TIAL1: variants seen among roughly 807,000 people sequenced by gnomAD.
The protein encoded by TIAL1 is TIA1 cytotoxic granule associated RNA binding protein like 1.
In TIAL1, 7 loss-of-function variants were observed where a neutral mutation model predicts 59.7. The ratio of observed to expected loss-of-function variants is 0.12; its 90% CI spans 0.07 to 0.22. The LOEUF (loss-of-function observed/expected upper bound fraction) is 0.22, where lower values mean the gene tolerates loss of function less well. Among genes scored for constraint, TIAL1 ranks in the 10% least tolerant of loss-of-function variants. The pLI is 1.00. For missense variants in TIAL1, 225 were observed against 462.5 expected, an observed-to-expected ratio of 0.49 and a Z score of 4.71; for synonymous variants, 149 against 146.3, an observed-to-expected ratio of 1.02 and a Z score of -0.13.
chr10:119,589,354 C>A (rs910805284), intron 1 of TIAL1, among the ~76,000 whole-genome samples: 2 of 152,126 alleles, frequency 1.3e-5, no homozygotes, highest in African/African-American at 4.8e-5. Context: ...TACAGGCGTG[C>A]ACCACCACGC....
chr10:119,593,267 A>G (rs988486602), intron 1 of TIAL1, among the ~76,000 whole-genome samples: 1 of 152,190 alleles, frequency 6.6e-6, no homozygotes, highest in Non-Finnish European at 1.5e-5. Context: ...TTAGATCACA[A>G]GTTACTCAAT....
intron 2 of TIAL1, among the ~76,000 whole-genome samples, chr10:119,585,607 A>G (rs976039135): frequency 6.6e-6 from 1 of 152,014 alleles, no homozygotes; most frequent in African/African-American, 2.4e-5. Flanking sequence ...ATTCATTTCG[A>G]GTCCCTCTAC....
At chr10:119,576,787 A>G in intron 10 of TIAL1, 37 bp from the exon 11 acceptor site, 1 of 1,608,024 alleles carries the variant, frequency 6.2e-7, no homozygotes, top group African/African-American at 1.3e-5. Context: ...GGGAACACAT[A>G]AGAAACACCG....
chr10:119,582,711 A>G lies in TIAL1; in HGVS notation c.130-154T>C, dbSNP rs889539530. ...CTAACACTTTTTAAATAAGATTTAAAGCTAAACCTGACTTTGCACCTCAGA... is the reference window on the plus strand; with the variant it reads ...CTAACACTTTTTAAATAAGATTTAAGGCTAAACCTGACTTTGCACCTCAGA... On this transcript the variant is annotated intron_variant, in intron 2 of 11. Coordinates refer to ENST00000436547, the MANE Select transcript of TIAL1 (RefSeq NM_003252.4). This position sits in a 1 kb window ranked among gnomAD's most constrained non-coding sequence, Gnocchi z 5.1. The G allele has an allele frequency of 3.9e-6, 5 of 1,272,136 alleles. No individual in the cohort carries two copies. In the African/African-American group the frequency reaches 6.1e-5, roughly 16 times the overall value. The allele number at this position is 1,272,136 out of a possible 1,614,324, so 78.8% of individuals were successfully genotyped here.
At position 119,596,856 on chromosome 10, in the gene TIAL1, G is replaced by T. The variant is rs1261212922; in HGVS notation, c.-391C>A. 4.3e-6 allele frequency: 1 copy of T among 234,770 alleles called. No individual in the cohort carries two copies. Among genetic ancestry groups the T allele is most frequent in the African/African-American group, 2.3e-5 (1 of 43,648 alleles). 14.5% of individuals were successfully genotyped at this position (234,770 alleles called of 1,614,324 possible). A position where few individuals can be genotyped will look rare whatever the true frequency, so the allele number is the denominator to read the frequency against. Reference sequence around the variant, plus strand: ...ACGTCGTCGCTGTGGGCCTCTGGCCGGCCGAAGCCCAGCCAGCTCCGGGAG... The same window carrying T: ...ACGTCGTCGCTGTGGGCCTCTGGCCTGCCGAAGCCCAGCCAGCTCCGGGAG... On this transcript the variant is annotated 5_prime_UTR_variant, in exon 1 of 12. Transcript: ENST00000436547.
intron 1 of TIAL1, among the ~76,000 whole-genome samples, chr10:119,590,926 T>C (rs975360262): frequency 1.4e-4 from 22 of 152,246 alleles, no homozygotes; most frequent in Non-Finnish European, 7.3e-5. Flanking sequence ...GGTTTTCACA[T>C]ATTGAAGCTA....
At chr10:119,584,321 A>G (rs1469613210) in intron 2 of TIAL1, among the ~76,000 whole-genome samples, 1 of 152,168 alleles carries the variant, frequency 6.6e-6, no homozygotes, top group Non-Finnish European at 1.5e-5. Flanking sequence ...TTGACTTAGA[A>G]TCAATAATAT....
chr10:119,581,101 G>C (rs1845284514), intron 5 of TIAL1, among the ~76,000 whole-genome samples: 1 of 151,980 alleles, frequency 6.6e-6, no homozygotes. Flanking sequence ...GTTGTTCTTA[G>C]TTGAAACACT....
rs1844945535 is a variant in TIAL1 at position 119,575,589 on chromosome 10, T to A, written c.*76A>T. The A allele has an allele frequency of 6.5e-7, 1 of 1,545,152 alleles. No individual in the cohort carries two copies. The highest frequency in any genetic ancestry group is 8.9e-7 in the Non-Finnish European group (1 of 1,124,242). On this transcript the variant is annotated 3_prime_UTR_variant, in exon 12 of 12. Transcript: ENST00000436547. ...AAATAAATATTTTCATTTTCCGATG[T>A]CTACTTTCATGTCTTCAGAGTGTCA...
intron 2 of TIAL1, among the ~76,000 whole-genome samples, chr10:119,583,280 A>C (rs1020401345): frequency 6.6e-6 from 1 of 152,204 alleles, no homozygotes; most frequent in Non-Finnish European, 1.5e-5. Flanking sequence ...AATGTATCTG[A>C]ATAAAATATT....
chr10:119,586,099 G>A (rs1038798512), intron 2 of TIAL1, among the ~76,000 whole-genome samples: 4 of 152,008 alleles, frequency 2.6e-5, no homozygotes, highest in Admixed American at 1.3e-4. Context: ...CTTCAGCACC[G>A]GTCTCTCTAG....
intron 1 of TIAL1, among the ~76,000 whole-genome samples, chr10:119,596,052 C>T (rs369784809): frequency 6.6e-6 from 1 of 151,838 alleles, no homozygotes; most frequent in Admixed American, 6.6e-5. Context: ...CCAATCCTAC[C>T]CCCGCCAGGC....
At position 119,573,674 on chromosome 10, in the gene TIAL1, G is replaced by A. The variant is rs1211761730; in HGVS notation, c.*1991C>T. The A allele has an allele frequency of 2.6e-5, 4 of 152,250 alleles. No homozygotes were observed. The highest frequency in any genetic ancestry group is 7.3e-5 in the African/African-American group (3 of 41,310). 9.4% of individuals were successfully genotyped at this position (152,250 alleles called of 1,614,324 possible). A position where few individuals can be genotyped will look rare whatever the true frequency, so the allele number is the denominator to read the frequency against. On this transcript the variant is annotated 3_prime_UTR_variant, in exon 12 of 12. Transcript: ENST00000436547. ...CATATACTCATAAAATTTTTAACTC[G>A]GGGGCACAGTTAACATAATTTATTG...
At chr10:119,578,919 G>C (rs2133961832) in intron 6 of TIAL1, 85 bp from the exon 7 acceptor site, 1 of 997,436 alleles carries the variant, frequency 1.0e-6, no homozygotes, top group Non-Finnish European at 1.6e-6. Context: ...CGGCGCTGCT[G>C]GTTCCATACA....
At chr10:119,594,619 G>A (rs1193009981) in intron 1 of TIAL1, among the ~76,000 whole-genome samples, 2 of 152,094 alleles carry the variant, frequency 1.3e-5, no homozygotes, top group East Asian at 3.9e-4. Flanking sequence ...AGATGTTGAA[G>A]GATAAAATTT....
chr10:119,595,532 A>T (rs1846124984), intron 1 of TIAL1, among the ~76,000 whole-genome samples: 1 of 152,152 alleles, frequency 6.6e-6, no homozygotes, highest in Non-Finnish European at 1.5e-5. Context: ...AAAGGAAGGA[A>T]ACCAGAATTA....
rs1259591854 is a variant in TIAL1, at chr10:119,582,155, G to A, written c.283+14C>T. On this transcript the variant is annotated intron_variant, in intron 4 of 11. Coordinates refer to ENST00000436547, the MANE Select transcript of TIAL1 (RefSeq NM_003252.4). The surrounding 1 kb of genome is among the most constrained non-coding windows in gnomAD (Gnocchi z 5.1). ...CAGAACTCTTCCACAGTAAAATGCA[G>A]CAGGAGTACTTACTGGAAGTATCTT... 2.5e-6 allele frequency: 4 copies of A among 1,606,002 alleles called. 1 individual carries two copies. In the South Asian group the frequency reaches 4.5e-5, roughly 18 times the overall value.
At chr10:119,583,948 T>C (rs1164768621) in intron 2 of TIAL1, among the ~76,000 whole-genome samples, 1 of 152,192 alleles carries the variant, frequency 6.6e-6, no homozygotes, top group African/African-American at 2.4e-5. Context: ...AGAAAGGACA[T>C]CAAAATAAAT....
In TIAL1 at chr10:119,576,611, T is replaced by C. The variant is rs1265988262; in HGVS notation, c.1001A>G (p.Asp334Gly). The change falls in exon 11 of 12, where the codon GAT becomes GGT. Residue 334 changes from aspartate to glycine, a missense_variant and splice_region_variant. Transcript: ENST00000436547. The part of the protein sequence containing the change: ...QPWNQQGFGV[D>G]QSPSAAWMGG... ...TACTGGAAAAACCCAAACAACTTAC[T>C]CTACTCCAAATCCTTGTTGATTCCA... 1 of 1,613,166 alleles carries C rather than the reference T, an allele frequency of 6.2e-7. No homozygotes were observed. The highest frequency in any genetic ancestry group is 2.2e-5 in the East Asian group (1 of 44,884).
Sources: gnomAD v4.1 joint callset for allele counts (sites outside exome capture counted in the v4.1 genomes callset) on GRCh38, gnomAD v4.1.1 for gene constraint, Gnocchi (gnomAD v3.1) non-coding constraint, MANE v1.5 for transcripts, NCBI Gene and HGNC (gene_info 2026-07-23, HGNC 2026-07-21) for gene names.